The following DPY19L3 variants were observed in gnomAD, a reference collection of about 807,000 sequenced individuals.
DPY19L3 encodes the protein dpy-19 like C-mannosyltransferase 3.
DPY19L3 carries 51 observed loss-of-function variants against 92.3 expected under a neutral mutation model. That is an observed-to-expected ratio of 0.55 (90% confidence interval 0.44 to 0.70). The LOEUF (loss-of-function observed/expected upper bound fraction) is 0.70. DPY19L3 is among the 30% of genes least tolerant of loss of function. The pLI, the probability that DPY19L3 is intolerant of heterozygous loss-of-function variation, is 0.00. For missense variants in DPY19L3, 706 were observed against 855.9 expected, an observed-to-expected ratio of 0.82 and a Z score of 2.18; for synonymous variants, 309 against 315.2, an observed-to-expected ratio of 0.98 and a Z score of 0.21.
intron 3 of DPY19L3, among the ~76,000 whole-genome samples, chr19:32,426,601 G>A (rs926875311): frequency 6.6e-6 from 1 of 152,160 alleles, no homozygotes; most frequent in African/African-American, 2.4e-5. Flanking sequence ...AGAGAGGCCT[G>A]GGGAGAGGAA....
intron 16 of DPY19L3, among the ~76,000 whole-genome samples, chr19:32,475,708 T>A (rs1243946058): frequency 6.6e-6 from 1 of 152,270 alleles, no homozygotes; most frequent in African/African-American, 2.4e-5. Flanking sequence ...TAAGGAATTC[T>A]GTGCACCTTC....
intron 8 of DPY19L3, among the ~76,000 whole-genome samples, chr19:32,452,078 A>G (rs1969718387): frequency 6.6e-6 from 1 of 152,170 alleles, no homozygotes; most frequent in African/African-American, 2.4e-5. Flanking sequence ...CTTCTGTCTC[A>G]GCTTCCCAAG....
chr19:32,413,620 C>A (rs1568323198), intron 3 of DPY19L3, among the ~76,000 whole-genome samples: 1 of 140,640 alleles, frequency 7.1e-6, no homozygotes, highest in Non-Finnish European at 1.6e-5. Context: ...CCACAACAGT[C>A]CCCAGAGTGT....
rs1269356009 is a variant in DPY19L3 at position 32,411,369 on chromosome 19, T to C, written c.234T>C (p.Ile78=). The C allele has an allele frequency of 1.2e-6, 2 of 1,614,078 alleles. No homozygotes were observed. The highest frequency in any genetic ancestry group is 1.7e-6 in the Non-Finnish European group (2 of 1,179,996). Residue 78 remains isoleucine (I), a synonymous_variant, in exon 3 of 19, where the codon ATT becomes ATC. Transcript: ENST00000392250. ...AAAATGATTTATGGTTTTCTAATAT[T>C]AAGGTATGGAGTTTCTTTGACCATT... ...LHENDLWFSN[I]KEVEREISFR...
At chr19:32,406,905 G>A (rs183777423) in intron 1 of DPY19L3, among the ~76,000 whole-genome samples, 13 of 152,168 alleles carry the variant, frequency 8.5e-5, no homozygotes, top group South Asian at 4.1e-4. Flanking sequence ...GCCCATCTGT[G>A]GCTGTAGGAC....
intron 1 of DPY19L3, among the ~76,000 whole-genome samples, chr19:32,407,264 T>TC (rs148363125): frequency 0.32 from 25,868 of 79,596 alleles, 5,718 homozygotes; most frequent in East Asian, 0.52. Context: ...AGGCTCCTGC[T>TC]CCCCCCCACC....
At chr19:32,477,755 A>G in intron 17 of DPY19L3, 101 bp downstream of exon 17, 3 of 1,483,012 alleles carry the variant, frequency 2.0e-6, no homozygotes, top group Non-Finnish European at 2.7e-6. Context: ...ACCCTCCAGC[A>G]TTAGGTTAGG....
chr19:32,419,958 C>T (rs1478700109), intron 3 of DPY19L3, among the ~76,000 whole-genome samples: 1 of 149,748 alleles, frequency 6.7e-6, no homozygotes, highest in Non-Finnish European at 1.5e-5. Context: ...ATCCCAGATT[C>T]ACACGGTTCT....
chr19:32,484,612 C>A lies in DPY19L3; in HGVS notation c.*2372C>A, dbSNP rs1384128698. ...GGACTCTGCCTGTGTGACTCCCAGGCCCCGGAGTCTCCATCTCTCTCGTAA... is the reference window on the plus strand; with the variant it reads ...GGACTCTGCCTGTGTGACTCCCAGGACCCGGAGTCTCCATCTCTCTCGTAA... On this transcript the variant is annotated 3_prime_UTR_variant, in exon 19 of 19. Transcript: ENST00000392250. The A allele has an allele frequency of 6.6e-6, 1 of 152,210 alleles. No homozygotes were observed. Among genetic ancestry groups the A allele is most frequent in the Non-Finnish European group, 1.5e-5 (1 of 68,064 alleles). The allele number at this position is 152,210 out of a possible 1,614,324, so 9.4% of individuals were successfully genotyped here. A position where few individuals can be genotyped will look rare whatever the true frequency, so the allele number is the denominator to read the frequency against.
chr19:32,432,880 T>TA, intron 4 of DPY19L3, 74 bp downstream of exon 4: 1 of 1,190,864 alleles, frequency 8.4e-7, no homozygotes, highest in Non-Finnish European at 1.2e-6. Flanking sequence ...TACTGTGCAC[T>TA]AAAAACCACT....
chr19:32,412,908 C>G (rs1167916799), intron 3 of DPY19L3: 1 of 151,154 alleles, frequency 6.6e-6, no homozygotes, highest in East Asian at 1.9e-4. Flanking sequence ...CCAGCCTGGG[C>G]AACAGAGCAA....
intron 8 of DPY19L3, among the ~76,000 whole-genome samples, chr19:32,446,052 T>C (rs1187513790): frequency 6.6e-6 from 1 of 152,148 alleles, no homozygotes; most frequent in African/African-American, 2.4e-5. Flanking sequence ...AACACTGTCT[T>C]ATGTGGTTCT....
chr19:32,429,332 G>A (rs1270216003), intron 3 of DPY19L3, among the ~76,000 whole-genome samples: 1 of 152,232 alleles, frequency 6.6e-6, no homozygotes, highest in Non-Finnish European at 1.5e-5. Flanking sequence ...TTTCACGGGT[G>A]TGATCTACCA....
chr19:32,454,138 T>C (rs899637851), intron 9 of DPY19L3, among the ~76,000 whole-genome samples: 1 of 152,206 alleles, frequency 6.6e-6, no homozygotes, highest in Non-Finnish European at 1.5e-5. Flanking sequence ...TAAGATATTA[T>C]TATATTTAAC....
intron 16 of DPY19L3, among the ~76,000 whole-genome samples, chr19:32,475,726 C>A (rs529593401): frequency 6.6e-6 from 1 of 152,332 alleles, no homozygotes; most frequent in Admixed American, 6.5e-5. Flanking sequence ...TTCACGTTTT[C>A]ATTGAAACCC....
chr19:32,421,321 C>T (rs1011385791), intron 3 of DPY19L3, among the ~76,000 whole-genome samples: 2 of 152,094 alleles, frequency 1.3e-5, no homozygotes, highest in African/African-American at 4.8e-5. Flanking sequence ...CTGCCAAATC[C>T]AGTGGCACTC....
chr19:32,457,482 GTCT>G (rs144883537), intron 10 of DPY19L3, among the ~76,000 whole-genome samples: 2,185 of 152,046 alleles, frequency 0.014, 52 homozygotes, highest in African/African-American at 0.05. Context: ...TTTTCTCCCT[GTCT>G]TCATTTTTCT....
At position 32,408,333 on chromosome 19, in the gene DPY19L3, A is replaced by G. The variant is rs1968054897; in HGVS notation, c.80A>G (p.Lys27Arg). 5 of 1,613,780 alleles carry G rather than the reference A, an allele frequency of 3.1e-6. No homozygotes were observed. The East Asian group carries it at 1.1e-4, about 36-fold the overall frequency. The stretch of plus-strand genomic sequence containing the variant: ...TTTCCAGCCCAAGAAGAAAATGTGA[A>G]GTTGGAAAATAAATTGCCATCTGGT... ...EDFPAQEENV[K>R]LENKLPSGCT... Residue 27 changes from lysine (K) to arginine (R), a missense_variant, in exon 2 of 19, where the codon AAG (lysine) becomes AGG (arginine). Lys to Arg is a conservative substitution (Grantham distance 26). Transcript: ENST00000392250.
At chr19:32,434,059 TAG>T (rs1474148656) in intron 4 of DPY19L3, among the ~76,000 whole-genome samples, 5 of 152,208 alleles carry the variant, frequency 3.3e-5, no homozygotes, top group African/African-American at 1.2e-4. Context: ...AAAGCAGGCT[TAG>T]TATTCATTTT....
Sources: allele counts gnomAD v4.1 joint callset (sites outside exome capture counted in the v4.1 genomes callset), GRCh38; gene constraint gnomAD v4.1.1; transcripts MANE v1.5; gene names NCBI Gene and HGNC (gene_info 2026-07-23, HGNC 2026-07-21).